Variants in N4BP1 observed in about 807,000 individuals in gnomAD.
N4BP1 encodes the protein NEDD4 binding protein 1.
N4BP1 carries 21 observed loss-of-function variants against 70.9 expected under a neutral mutation model. That is an observed-to-expected ratio of 0.30 (90% CI 0.21 to 0.43). N4BP1 has a LOEUF of 0.43. Among genes scored for constraint, N4BP1 ranks in the 20% least tolerant of loss-of-function variants. The pLI is 1.00. For synonymous variants in N4BP1, 387 were observed against 394.6 expected (o/e 0.98, Z 0.23); for missense variants, 936 against 1,069.4 (o/e 0.88, Z 1.74).
At chr16:48,600,405 C>T in intron 1 of N4BP1, 1 of 685,990 alleles carries the variant, frequency 1.5e-6, no homozygotes, top group Non-Finnish European at 2.7e-6. Flanking sequence ...CATCAAATAC[C>T]AGTGAGAGCT....
In N4BP1 at chr16:48,609,935, G is replaced by T; in HGVS notation, c.38C>A (p.Pro13Gln). ...CTCCAGCAGCTCCGCCTTCTCAGCT[G>T]GCGCAGTGAACTCGTCCAGCACCGC... ...ARAVLDEFTA[P>Q]AEKAELLEQS... is the part of the protein sequence containing the mutation. The change falls in exon 1 of 7, where the codon CCA becomes CAA. Residue 13 changes from proline (P) to glutamine (Q), a missense_variant. Coordinates refer to ENST00000262384, the MANE Select transcript of N4BP1 (RefSeq NM_153029.4). 7.0e-7 allele frequency: 1 copy of T among 1,422,070 alleles called. No individual in the cohort carries two copies. The highest frequency in any genetic ancestry group is 9.2e-7 in the Non-Finnish European group (1 of 1,082,370). 88.1% of individuals were successfully genotyped at this position (1,422,070 alleles called of 1,614,324 possible). A position where few individuals can be genotyped will look rare whatever the true frequency, so the allele number is the denominator to read the frequency against.
chr16:48,597,420 T>C (rs959858440), intron 1 of N4BP1, among the ~76,000 whole-genome samples: 1 of 152,212 alleles, frequency 6.6e-6, no homozygotes, highest in African/African-American at 2.4e-5. Context: ...ACCTACTTCC[T>C]TGTAACCGAA....
At chr16:48,589,482 T>C (rs902585089) in intron 1 of N4BP1, among the ~76,000 whole-genome samples, 1 of 152,112 alleles carries the variant, frequency 6.6e-6, no homozygotes, top group Non-Finnish European at 1.5e-5. Flanking sequence ...CTGAAGGGTG[T>C]TGTTCCTGGA....
chr16:48,609,168 C>T (rs1233006261), intron 1 of N4BP1, among the ~76,000 whole-genome samples: 1 of 152,094 alleles, frequency 6.6e-6, no homozygotes, highest in Non-Finnish European at 1.5e-5. Flanking sequence ...TGAACTGAGA[C>T]CGCGCCACAC....
chr16:48,546,888 G>T (rs1480375872), intron 5 of N4BP1, among the ~76,000 whole-genome samples: 2 of 152,212 alleles, frequency 1.3e-5, no homozygotes, highest in Non-Finnish European at 2.9e-5. Context: ...AACCCTCCAT[G>T]CATACATGGA....
In N4BP1 at chr16:48,605,167, G is replaced by A. The variant is rs533469797; in HGVS notation, c.198+4608C>T. On this transcript the variant is annotated intron_variant, in intron 1 of 6. Coordinates refer to ENST00000262384, the MANE Select transcript of N4BP1 (RefSeq NM_153029.4). ...CCTGCCTCAGCCTCCTGAGTAGCTGGGATTACATGCATGCGCCACCCCACC... is the reference window on the plus strand; with the variant it reads ...CCTGCCTCAGCCTCCTGAGTAGCTGAGATTACATGCATGCGCCACCCCACC... 1.5e-4 allele frequency among the ~76,000 whole-genome samples: 23 copies of A among 152,054 alleles called. No homozygotes were observed. The South Asian group carries it at 4.8e-3, about 32-fold the overall frequency.
rs984624177 is a variant in N4BP1 at position 48,539,430 on chromosome 16, G to C, written c.*3474C>G. On this transcript the variant is annotated 3_prime_UTR_variant, in exon 7 of 7. Coordinates refer to ENST00000262384, the MANE Select transcript of N4BP1 (RefSeq NM_153029.4). ...GCCCCATGCAAGCTGCAGGTCTGGG[G>C]AGCCTGAGGATGTCATAGGGCTTCC... The C allele has an allele frequency of 6.6e-6, 1 of 152,642 alleles. No homozygotes were observed. Among genetic ancestry groups the C allele is most frequent in the Non-Finnish European group, 1.5e-5 (1 of 68,414 alleles). 9.5% of individuals were successfully genotyped at this position (152,642 alleles called of 1,614,324 possible). A position where few individuals can be genotyped will look rare whatever the true frequency, so the allele number is the denominator to read the frequency against.
chr16:48,564,682 G>A (rs1963913549), intron 1 of N4BP1, among the ~76,000 whole-genome samples: 1 of 152,156 alleles, frequency 6.6e-6, no homozygotes, highest in Admixed American at 6.5e-5. Context: ...AATTTTGTCT[G>A]TGTCTGCAAA....
chr16:48,552,335 G>A (rs1208176001), intron 3 of N4BP1, among the ~76,000 whole-genome samples: 5 of 152,036 alleles, frequency 3.3e-5, no homozygotes, highest in Admixed American at 3.3e-4. Flanking sequence ...CAGGGCCTGA[G>A]ATTCCCACAC....
intron 1 of N4BP1, among the ~76,000 whole-genome samples, chr16:48,564,982 A>G (rs1963918102): frequency 6.6e-6 from 1 of 152,208 alleles, no homozygotes; most frequent in African/African-American, 2.4e-5. Flanking sequence ...TAGTATATAC[A>G]AATATAATTG....
intron 2 of N4BP1, among the ~76,000 whole-genome samples, chr16:48,558,475 T>G (rs892304973): frequency 2.6e-5 from 4 of 152,134 alleles, no homozygotes; most frequent in Non-Finnish European, 5.9e-5. Context: ...GGGACTAGAT[T>G]TGCAAAACAT....
intron 1 of N4BP1, among the ~76,000 whole-genome samples, chr16:48,568,341 G>C (rs1231591536): frequency 6.6e-6 from 1 of 152,116 alleles, no homozygotes; most frequent in Non-Finnish European, 1.5e-5. Context: ...AGGTTACAGT[G>C]ATCTCATACA....
chr16:48,549,768 C>T (rs776632936), intron 4 of N4BP1, among the ~76,000 whole-genome samples: 8 of 152,232 alleles, frequency 5.3e-5, no homozygotes, highest in Non-Finnish European at 1.2e-4. Flanking sequence ...CCAAGCCCCC[C>T]ATCCCTCTGC....
intron 1 of N4BP1, among the ~76,000 whole-genome samples, chr16:48,603,134 T>A (rs1429686327): frequency 1.3e-5 from 2 of 152,224 alleles, no homozygotes; most frequent in Non-Finnish European, 2.9e-5. Context: ...TACATTTTTT[T>A]TTCATTCTTA....
At chr16:48,555,981 AGAG>A (rs1333796076) in intron 2 of N4BP1, among the ~76,000 whole-genome samples, 1 of 152,204 alleles carries the variant, frequency 6.6e-6, no homozygotes, top group Non-Finnish European at 1.5e-5. Context: ...GGAACTGGAT[AGAG>A]GAGGAGTACC....
chr16:48,560,579 G>A, intron 2 of N4BP1, 175 bp downstream of exon 2: 1 of 688,324 alleles, frequency 1.5e-6, no homozygotes, highest in Non-Finnish European at 2.3e-6. Flanking sequence ...GAATCCAGAA[G>A]ATGGACTGAC....
intron 2 of N4BP1, among the ~76,000 whole-genome samples, chr16:48,554,768 G>A (rs1471105005): frequency 6.6e-6 from 1 of 152,160 alleles, no homozygotes; most frequent in Non-Finnish European, 1.5e-5. Flanking sequence ...GCCATGATGG[G>A]CATATGTGTC....
intron 1 of N4BP1, among the ~76,000 whole-genome samples, chr16:48,596,555 G>C (rs186822383): frequency 2.7e-3 from 410 of 152,270 alleles, no homozygotes; most frequent in African/African-American, 9.4e-3. Context: ...CCAAAGGGAA[G>C]GACTGAAACC....
rs1453244828 is a variant in N4BP1 at position 48,560,989 on chromosome 16, G to GAGA, written c.1651_1653dup (p.Ser551dup). On this transcript the variant is annotated inframe_insertion, in exon 2 of 7. Transcript: ENST00000262384. ...GTTGAGCAATTTGGCTTAGAATGAGGAGAACTACAACATCCTAAACGTTTT... is the reference window on the plus strand; with the variant it reads ...GTTGAGCAATTTGGCTTAGAATGAGGAGAAGAACTACAACATCCTAAACGTTTT... 5.6e-6 allele frequency: 9 copies of GAGA among 1,613,876 alleles called. No homozygotes were observed. The highest frequency in any genetic ancestry group is 7.6e-6 in the Non-Finnish European group (9 of 1,179,892).
Sources: allele counts gnomAD v4.1 joint callset (sites outside exome capture counted in the v4.1 genomes callset), GRCh38; gene constraint gnomAD v4.1.1; transcripts MANE v1.5; gene names NCBI Gene and HGNC (gene_info 2026-07-23, HGNC 2026-07-21).